Variants in RIMKLB observed in about 807,000 individuals in gnomAD.
RIMKLB encodes the protein ribosomal modification protein rimK like family member B.
A neutral mutation model predicts 32.0 loss-of-function variants in RIMKLB; 7 were observed. That is an observed-to-expected ratio of 0.22 (90% CI 0.12 to 0.41). The LOEUF (loss-of-function observed/expected upper bound fraction) is 0.41. Ranked by LOEUF, RIMKLB falls within the 10% of genes least tolerant of loss-of-function variation. The pLI, the probability that RIMKLB is intolerant of heterozygous loss-of-function variation, is 1.00. For synonymous variants in RIMKLB, 172 were observed against 185.1 expected (o/e 0.93, Z 0.57); for missense variants, 289 against 498.7 (o/e 0.58, Z 4.00).
chr12:8,682,152 A>G (rs1942425284), intron 1 of RIMKLB, among the ~76,000 whole-genome samples: 1 of 152,238 alleles, frequency 6.6e-6, no homozygotes, highest in Non-Finnish European at 1.5e-5. Context: ...CTTACAATAC[A>G]TGCATTAAAA....
At chr12:8,677,042 T>C (rs373984663), upstream of RIMKLB, among the ~76,000 whole-genome samples, 4 of 152,292 alleles carry the variant, frequency 2.6e-5, no homozygotes, top group African/African-American at 9.6e-5. Context: ...AGCTTGGTTT[T>C]TAATTCAAGT....
intron 5 of RIMKLB, among the ~76,000 whole-genome samples, chr12:8,772,470 A>G (rs1352320492): frequency 1.3e-5 from 2 of 152,224 alleles, no homozygotes; most frequent in Admixed American, 6.5e-5. Context: ...AGTATTCTAC[A>G]TGGCCTCAGT....
At chr12:8,732,316 G>T (rs962352913) in intron 2 of RIMKLB, among the ~76,000 whole-genome samples, 1 of 151,984 alleles carries the variant, frequency 6.6e-6, no homozygotes, top group Non-Finnish European at 1.5e-5. Context: ...CTCATTTGGA[G>T]CACTTTTGAT....
intron 1 of RIMKLB, among the ~76,000 whole-genome samples, chr12:8,707,680 C>A (rs959658419): frequency 6.6e-6 from 1 of 152,174 alleles, no homozygotes; most frequent in African/African-American, 2.4e-5. Context: ...TGACCAGCCT[C>A]CATACTAAAG....
At chr12:8,765,733 C>G (rs1181289507) in intron 5 of RIMKLB, among the ~76,000 whole-genome samples, 1 of 152,040 alleles carries the variant, frequency 6.6e-6, no homozygotes, top group Non-Finnish European at 1.5e-5. Context: ...TGTCTATCTC[C>G]TTTTGGGTCC....
the RIMKLB span, among the ~76,000 whole-genome samples, chr12:8,671,177 A>T: frequency 6.6e-6 from 1 of 152,118 alleles, no homozygotes; most frequent in Non-Finnish European, 1.5e-5. Flanking sequence ...CTTGGGGCTT[A>T]TAGGCTCCTT....
intron 1 of RIMKLB, among the ~76,000 whole-genome samples, chr12:8,685,997 G>A (rs1417313033): frequency 6.6e-6 from 1 of 151,960 alleles, no homozygotes; most frequent in Non-Finnish European, 1.5e-5. Context: ...CAGTAGAGAC[G>A]GGGTTTCACC....
Position 8,702,320 on chromosome 12 carries a change from G to A in RIMKLB, c.-57+4023G>A, listed in dbSNP as rs745321377. 3.5e-4 allele frequency among the ~76,000 whole-genome samples: 53 copies of A among 152,106 alleles called. 1 individual carries two copies. The highest frequency in any genetic ancestry group is 5.7e-4 in the Non-Finnish European group (39 of 68,036). ...AGTCTACTGGATTCTTAGGAAATGC[G>A]TACTAATTTGTGAATTGATGAGCTG... On this transcript the variant is annotated intron_variant, in intron 1 of 5. Coordinates refer to ENST00000535829, the MANE Select transcript of RIMKLB (RefSeq NM_001297776.2).
upstream of RIMKLB, among the ~76,000 whole-genome samples, chr12:8,692,723 G>A (rs770339735): frequency 6.6e-6 from 1 of 152,292 alleles, no homozygotes; most frequent in East Asian, 1.9e-4. Context: ...AGATGGAGCA[G>A]GGAAAAGGAG....
chr12:8,714,150 G>A (rs1012262446), intron 2 of RIMKLB, 109 bp downstream of exon 2: 8 of 797,634 alleles, frequency 1.0e-5, no homozygotes, highest in Non-Finnish European at 1.6e-5. Flanking sequence ...TCATTACTAA[G>A]TATCTTCTAA....
intron 5 of RIMKLB, among the ~76,000 whole-genome samples, chr12:8,765,303 A>G (rs1190886420): frequency 6.6e-6 from 1 of 152,108 alleles, no homozygotes; most frequent in Non-Finnish European, 1.5e-5. Flanking sequence ...CTGTGGCACC[A>G]ATCTCCATGT....
At chr12:8,699,677 T>A (rs1272548316) in intron 1 of RIMKLB, 2 of 152,234 alleles carry the variant, frequency 1.3e-5, no homozygotes, top group Non-Finnish European at 2.9e-5. Context: ...GTTAATTTCC[T>A]TCTTTCATGT....
At chr12:8,781,218 G>A (rs1474360078), downstream of RIMKLB, among the ~76,000 whole-genome samples, 1 of 152,166 alleles carries the variant, frequency 6.6e-6, no homozygotes, top group Non-Finnish European at 1.5e-5. Context: ...GCGGGCACTT[G>A]TAATCCCAGC....
chr12:8,680,988 CTTT>C (rs149951264), upstream of RIMKLB, among the ~76,000 whole-genome samples: 4 of 145,642 alleles, frequency 2.7e-5, no homozygotes, highest in Non-Finnish European at 3.0e-5. Flanking sequence ...CAGGTCTGGT[CTTT>C]TTTTTTTTTT....
At chr12:8,699,176 A>T (rs74059960) in intron 1 of RIMKLB, among the ~76,000 whole-genome samples, 5,435 of 152,224 alleles carry the variant, frequency 0.036, 317 homozygotes, top group African/African-American at 0.12. Context: ...TTTTCCCATT[A>T]GTTATATATA....
At chr12:8,719,417 A>C (rs1275286124) in intron 2 of RIMKLB, among the ~76,000 whole-genome samples, 1 of 152,004 alleles carries the variant, frequency 6.6e-6, no homozygotes, top group African/African-American at 2.4e-5. Flanking sequence ...CGCCCAGGCT[A>C]GACTGCAATG....
At chr12:8,719,608 A>G (rs1004975559) in intron 2 of RIMKLB, among the ~76,000 whole-genome samples, 4 of 152,094 alleles carry the variant, frequency 2.6e-5, no homozygotes, top group South Asian at 2.1e-4. Context: ...ACCTCCGGTG[A>G]TCCGCCCGCC....
At chr12:8,723,975 C>T (rs1233707184) in intron 2 of RIMKLB, among the ~76,000 whole-genome samples, 1 of 147,292 alleles carries the variant, frequency 6.8e-6, no homozygotes, top group African/African-American at 2.7e-5. Flanking sequence ...GCCACCATGC[C>T]TGGCTAAGTT....
At chr12:8,700,992 G>C (rs1333525924) in intron 1 of RIMKLB, among the ~76,000 whole-genome samples, 1 of 152,100 alleles carries the variant, frequency 6.6e-6, no homozygotes, top group East Asian at 1.9e-4. Flanking sequence ...CTTGAACCTG[G>C]GAGGTGGAGG....
Sources: gnomAD v4.1 joint callset for allele counts (sites outside exome capture counted in the v4.1 genomes callset) on GRCh38, gnomAD v4.1.1 for gene constraint, MANE v1.5 for transcripts, NCBI Gene and HGNC (gene_info 2026-07-23, HGNC 2026-07-21) for gene names.